Variants in CPA6 observed in about 807,000 individuals in gnomAD.
CPA6 encodes carboxypeptidase A6, also known as carboxypeptidase B.
Under a neutral mutation model 63.3 loss-of-function variants are expected in CPA6, and 58 were observed. The observed-to-expected ratio is 0.92, with a 90% CI of 0.74 to 1.14. The LOEUF is 1.14. CPA6 is among the 50% of genes most tolerant of loss of function. The pLI is 0.00. For synonymous variants in CPA6, 185 were observed against 179.0 expected (o/e 1.03, Z -0.27); for missense variants, 565 against 526.6 (o/e 1.07, Z -0.71).
chr8:67,678,460 T>C (rs981352334), intron 1 of CPA6, among the ~76,000 whole-genome samples: 1 of 151,924 alleles, frequency 6.6e-6, no homozygotes, highest in African/African-American at 2.4e-5. Context: ...AAAATATGAG[T>C]GAAGAACTTG....
intron 2 of CPA6, among the ~76,000 whole-genome samples, chr8:67,577,244 C>T (rs1813651041): frequency 6.6e-6 from 1 of 152,120 alleles, no homozygotes; most frequent in Non-Finnish European, 1.5e-5. Flanking sequence ...ATGACCATTT[C>T]AAAGACATGA....
intron 2 of CPA6, among the ~76,000 whole-genome samples, chr8:67,622,459 T>C (rs1815103886): frequency 6.6e-6 from 1 of 152,212 alleles, no homozygotes; most frequent in Admixed American, 6.5e-5. Context: ...CTCTCTGGTA[T>C]TGCATAAAAC....
At chr8:67,654,022 C>T (rs955479944) in intron 1 of CPA6, among the ~76,000 whole-genome samples, 1 of 151,964 alleles carries the variant, frequency 6.6e-6, no homozygotes, top group Non-Finnish European at 1.5e-5. Context: ...GTCTTTGGTT[C>T]TGTTTATATG....
At chr8:67,447,023 CATATATATACACACAT>C (rs1810435863) in intron 8 of CPA6, among the ~76,000 whole-genome samples, 1 of 122,516 alleles carries the variant, frequency 8.2e-6, no homozygotes, top group Admixed American at 7.6e-5. Flanking sequence ...TACACACACA[CATATATATACACACAT>C]ATATATATAC....
chr8:67,589,981 T>A (rs1418444775), intron 2 of CPA6, among the ~76,000 whole-genome samples: 1 of 151,966 alleles, frequency 6.6e-6, no homozygotes, highest in African/African-American at 2.4e-5. Context: ...GCTGGTGTGC[T>A]GCACCCATTA....
rs1262368575 is a variant in CPA6, at chr8:67,681,020, G to A, written c.117-56769C>T. Among the ~76,000 whole-genome samples the A allele has an allele frequency of 2.6e-5, 4 of 151,886 alleles. No individual in the cohort carries two copies. In the East Asian group the frequency reaches 7.7e-4, roughly 29 times the overall value. On this transcript the variant is annotated intron_variant, in intron 1 of 10. Coordinates refer to ENST00000297770, the MANE Select transcript of CPA6 (RefSeq NM_020361.5). ...GATACAAGTCTTTTATCAAATATAT[G>A]CATCATAAATATATTCTCTTCATTT...
chr8:67,475,987 CCCTT>C (rs141046202), intron 8 of CPA6, among the ~76,000 whole-genome samples: 8,520 of 134,234 alleles, frequency 0.063, 703 homozygotes, highest in African/African-American at 0.19. Context: ...TCTTTCTCTC[CCCTT>C]CCTTCCTTCC....
chr8:67,742,761 G>A (rs1361125982), intron 1 of CPA6, among the ~76,000 whole-genome samples: 1 of 152,152 alleles, frequency 6.6e-6, no homozygotes, highest in Non-Finnish European at 1.5e-5. Context: ...GCTACTAAAT[G>A]TGGGAGAGCA....
intron 1 of CPA6, among the ~76,000 whole-genome samples, chr8:67,718,361 G>A (rs1817422726): frequency 6.6e-6 from 1 of 152,050 alleles, no homozygotes. Context: ...TACTCTTCTG[G>A]ATAAGGGTCA....
intron 2 of CPA6, among the ~76,000 whole-genome samples, chr8:67,580,393 C>T (rs1813740649): frequency 6.6e-6 from 1 of 152,186 alleles, no homozygotes; most frequent in African/African-American, 2.4e-5. Flanking sequence ...TTAGCTTTGC[C>T]TTTCAGTAAC....
At chr8:67,613,709 A>C (rs908832162) in intron 2 of CPA6, among the ~76,000 whole-genome samples, 7 of 152,164 alleles carry the variant, frequency 4.6e-5, no homozygotes, top group African/African-American at 1.7e-4. Flanking sequence ...TTCCTGGGCA[A>C]AGGCCCCACC....
intron 1 of CPA6, among the ~76,000 whole-genome samples, chr8:67,718,646 G>A (rs915787149): frequency 4.6e-5 from 7 of 151,056 alleles, no homozygotes; most frequent in Non-Finnish European, 8.8e-5. Flanking sequence ...ATAGACAGCT[G>A]AAGTTTTTTT....
chr8:67,607,234 CTTCTT>C (rs1564021434), intron 2 of CPA6, among the ~76,000 whole-genome samples: 3 of 117,560 alleles, frequency 2.6e-5, no homozygotes, highest in African/African-American at 1.0e-4. Flanking sequence ...TCTTCTTCTT[CTTCTT>C]CTTCTTCTTC....
chr8:67,515,960 A>G (rs1812136560), intron 3 of CPA6, among the ~76,000 whole-genome samples: 1 of 152,102 alleles, frequency 6.6e-6, no homozygotes, highest in Non-Finnish European at 1.5e-5. Context: ...TGATTCTTCC[A>G]CTTGGCCCCC....
chr8:67,576,639 T>G (rs1813633878), intron 2 of CPA6, among the ~76,000 whole-genome samples: 1 of 152,210 alleles, frequency 6.6e-6, no homozygotes, highest in South Asian at 2.1e-4. Context: ...TTTCTTACAA[T>G]TATACATATC....
At chr8:67,591,984 T>A (rs1267304827) in intron 2 of CPA6, among the ~76,000 whole-genome samples, 1 of 152,194 alleles carries the variant, frequency 6.6e-6, no homozygotes, top group African/African-American at 2.4e-5. Flanking sequence ...GGGGAATGCT[T>A]CCAGTTTTTG....
chr8:67,588,557 T>C (rs912922713), intron 2 of CPA6, among the ~76,000 whole-genome samples: 1 of 152,180 alleles, frequency 6.6e-6, no homozygotes, highest in African/African-American at 2.4e-5. Context: ...ATAAATGTAA[T>C]CCCTAATTAC....
At chr8:67,702,577 A>G (rs1817049004) in intron 1 of CPA6, among the ~76,000 whole-genome samples, 1 of 152,200 alleles carries the variant, frequency 6.6e-6, no homozygotes, top group Admixed American at 6.5e-5. Flanking sequence ...TAGCTTCCCA[A>G]TAAGATCTTA....
chr8:67,688,946 TC>T (rs1474793947), intron 1 of CPA6, among the ~76,000 whole-genome samples: 1 of 151,996 alleles, frequency 6.6e-6, no homozygotes, highest in Non-Finnish European at 1.5e-5. Context: ...GAATATACCA[TC>T]CCATTTGTTG....
Sources: gnomAD v4.1 joint callset for allele counts (sites outside exome capture counted in the v4.1 genomes callset) on GRCh38, gnomAD v4.1.1 for gene constraint, MANE v1.5 for transcripts, NCBI Gene and HGNC (gene_info 2026-07-23, HGNC 2026-07-21) for gene names.